Variants in EML6 observed in about 807,000 individuals in gnomAD.
The protein encoded by EML6 is EMAP like 6.
In EML6, 154 loss-of-function variants were observed where a neutral mutation model predicts 240.1. The ratio of observed to expected loss-of-function variants is 0.64; its 90% CI spans 0.56 to 0.73. The LOEUF is 0.73. EML6 is among the 30% of genes least tolerant of loss of function. The probability of loss-of-function intolerance (pLI) is 0.00; values close to 1 mark genes in which losing one functional copy is unlikely to be tolerated. For synonymous variants in EML6, 1,148 were observed against 899.0 expected, an observed-to-expected ratio of 1.28 and a Z score of -4.95; for missense variants, 2,964 against 2,474.6, an observed-to-expected ratio of 1.20 and a Z score of -4.20.
intron 2 of EML6, among the ~76,000 whole-genome samples, chr2:54,805,441 C>T (rs888873348): frequency 6.6e-6 from 1 of 152,148 alleles, no homozygotes; most frequent in African/African-American, 2.4e-5. Context: ...ATTCCAGTTG[C>T]CCTGTGTCTT....
intron 24 of EML6, among the ~76,000 whole-genome samples, chr2:54,907,655 G>A (rs1316688083): frequency 6.6e-6 from 1 of 152,178 alleles, no homozygotes; most frequent in Non-Finnish European, 1.5e-5. Context: ...GATGATGTAT[G>A]TGGATCACTT....
intron 26 of EML6, among the ~76,000 whole-genome samples, chr2:54,917,507 C>T (rs1003475761): frequency 5.9e-5 from 9 of 151,828 alleles, no homozygotes; most frequent in East Asian, 5.8e-4. Context: ...GGATTACAGA[C>T]GCCTGCCAGC....
intron 7 of EML6, among the ~76,000 whole-genome samples, chr2:54,835,331 T>C (rs912362763): frequency 6.6e-6 from 1 of 152,196 alleles, no homozygotes; most frequent in Non-Finnish European, 1.5e-5. Context: ...AGGACGTGCC[T>C]AGTGTGTGCT....
intron 26 of EML6, among the ~76,000 whole-genome samples, chr2:54,923,527 T>A (rs568341439): frequency 2.0e-5 from 3 of 152,148 alleles, no homozygotes; most frequent in Non-Finnish European, 4.4e-5. Context: ...TAATTATACC[T>A]CAGTAAAGCT....
chr2:54,806,433 C>G (rs547807501), intron 2 of EML6, among the ~76,000 whole-genome samples: 3 of 151,586 alleles, frequency 2.0e-5, no homozygotes, highest in African/African-American at 7.3e-5. Context: ...GCCAACAGGG[C>G]GAAACCCTGT....
At chr2:54,837,866 A>C (rs1669236559) in intron 7 of EML6, among the ~76,000 whole-genome samples, 1 of 152,182 alleles carries the variant, frequency 6.6e-6, no homozygotes, top group South Asian at 2.1e-4. Context: ...ATTCTGGTGT[A>C]CATTGAGGGT....
At chr2:54,745,636 C>G (rs1683878718) in intron 2 of EML6, among the ~76,000 whole-genome samples, 1 of 152,098 alleles carries the variant, frequency 6.6e-6, no homozygotes, top group South Asian at 2.1e-4. Context: ...ATAAAATTAG[C>G]CAGGTGTGGT....
chr2:54,899,559 C>A (rs771240215), intron 21 of EML6, 82 bp from the exon 22 acceptor site: 2 of 1,378,256 alleles, frequency 1.5e-6, no homozygotes, highest in Non-Finnish European at 1.9e-6. Context: ...TACTCTTGGA[C>A]TGAATATGTA....
At chr2:54,808,191 A>G (rs559926850) in intron 2 of EML6, among the ~76,000 whole-genome samples, 1 of 152,308 alleles carries the variant, frequency 6.6e-6, no homozygotes, top group South Asian at 2.1e-4. Flanking sequence ...TGGTGTCAAG[A>G]TCACAGTTGT....
intron 2 of EML6, among the ~76,000 whole-genome samples, chr2:54,779,580 G>A (rs1260169996): frequency 1.3e-5 from 2 of 150,344 alleles, no homozygotes; most frequent in Non-Finnish European, 1.5e-5. Context: ...TAGGAAGGAG[G>A]GCCTGGTGTG....
In EML6 at chr2:54,944,258, C is replaced by G. The variant is rs556973152; in HGVS notation, c.4005-4624C>G. On this transcript the variant is annotated intron_variant, in intron 28 of 41. Transcript: ENST00000356458. ...CAAAGCTCAACGTGCCAAAATTGAACTCATCATCTTCCCTCATTGATATTT... is the reference window on the plus strand; with the variant it reads ...CAAAGCTCAACGTGCCAAAATTGAAGTCATCATCTTCCCTCATTGATATTT... 3.3e-5 allele frequency among the ~76,000 whole-genome samples: 5 copies of G among 152,200 alleles called. No individual in the cohort carries two copies. The South Asian group carries it at 1.0e-3, about 32-fold the overall frequency.
Position 54,866,839 on chromosome 2 carries a change from G to A in EML6, c.2006G>A (p.Arg669Gln), listed in dbSNP as rs149815344. ...EKNHAVPFLK[R>Q]EKAPEDSLKL... ...AACCACGCAGTGCCCTTCCTCAAAC[G>A]AGAAAAGGCTCCTGAGGACAGCTTG... The change falls in exon 14 of 42, where the codon CGA becomes CAA. Residue 669 changes from arginine to glutamine, a missense_variant. By Grantham distance (43) the Arg-to-Gln change is conservative (BLOSUM62 1). Coordinates refer to ENST00000356458, the MANE Select transcript of EML6 (RefSeq NM_001039753.4). 1.1e-4 allele frequency: 168 copies of A among 1,551,176 alleles called. No homozygotes were observed. The highest frequency in any genetic ancestry group is 1.4e-4 in the Non-Finnish European group (163 of 1,146,628).
At chr2:54,772,324 A>T (rs1378686741) in intron 2 of EML6, among the ~76,000 whole-genome samples, 1 of 152,240 alleles carries the variant, frequency 6.6e-6, no homozygotes, top group Admixed American at 6.5e-5. Context: ...AAATATGAAC[A>T]GAGGTGACTA....
At chr2:54,814,182 T>C (rs1667981887) in intron 3 of EML6, among the ~76,000 whole-genome samples, 1 of 152,212 alleles carries the variant, frequency 6.6e-6, no homozygotes, top group African/African-American at 2.4e-5. Context: ...TGTGCCCTCA[T>C]AGTCGAATTG....
At chr2:54,901,060 A>G (rs1262110549) in intron 22 of EML6, among the ~76,000 whole-genome samples, 1 of 152,228 alleles carries the variant, frequency 6.6e-6, no homozygotes, top group African/African-American at 2.4e-5. Flanking sequence ...TAGTAACAAT[A>G]GTGATGGTGG....
chr2:54,828,917 C>T (rs1331745275), intron 6 of EML6, among the ~76,000 whole-genome samples: 1 of 152,192 alleles, frequency 6.6e-6, no homozygotes, highest in Non-Finnish European at 1.5e-5. Flanking sequence ...ATTTTGGGCA[C>T]TTTTGTGCCT....
chr2:54,954,011 C>G lies in EML6; in HGVS notation c.4341C>G (p.Asp1447Glu). The change falls in exon 32 of 42, where the codon GAC becomes GAG. Residue 1447 changes from aspartate to glutamate, a missense_variant. Asp to Glu is a conservative substitution (Grantham distance 45). Coordinates refer to ENST00000356458, the MANE Select transcript of EML6 (RefSeq NM_001039753.4). ...IGTTPSIHIW[D>E]AMTKHTLSML... The stretch of plus-strand genomic sequence containing the variant: ...CAACACCTTCCATCCACATATGGGA[C>G]GCCATGACCAAACACACCCTCTCCA... 1 of 1,551,652 alleles carries G rather than the reference C, an allele frequency of 6.4e-7. No homozygotes were observed.
intron 24 of EML6, among the ~76,000 whole-genome samples, chr2:54,904,034 G>T (rs1289545740): frequency 2.6e-5 from 4 of 152,166 alleles, no homozygotes; most frequent in African/African-American, 9.7e-5. Context: ...ATGAGGATTT[G>T]TCTATTTAAT....
At chr2:54,762,788 C>G (rs368937625) in intron 2 of EML6, among the ~76,000 whole-genome samples, 1 of 152,130 alleles carries the variant, frequency 6.6e-6, no homozygotes, top group African/African-American at 2.4e-5. Flanking sequence ...ACTTTCCCTT[C>G]CCTAGCACTG....
Sources: allele counts gnomAD v4.1 joint callset (sites outside exome capture counted in the v4.1 genomes callset), GRCh38; gene constraint gnomAD v4.1.1; transcripts MANE v1.5; gene names NCBI Gene and HGNC (gene_info 2026-07-23, HGNC 2026-07-21).